FHIP1A: variants seen among roughly 807,000 people sequenced by gnomAD.
The protein encoded by FHIP1A is FHF complex subunit HOOK interacting protein 1A, also known as FHF complex subunit HOOK-interacting protein 1A.
Under a neutral mutation model 88.6 loss-of-function variants are expected in FHIP1A, and 61 were observed. The ratio of observed to expected loss-of-function variants is 0.69; its 90% confidence interval spans 0.56 to 0.85. The LOEUF (loss-of-function observed/expected upper bound fraction) is 0.85, where lower values mean the gene tolerates loss of function less well. Ranked by LOEUF, FHIP1A falls within the 40% of genes least tolerant of loss-of-function variation. FHIP1A has a pLI of 0.00. For missense variants in FHIP1A, 1,154 were observed against 1,273.5 expected, an observed-to-expected ratio of 0.91 and a Z score of 1.43; for synonymous variants, 478 against 496.0, an observed-to-expected ratio of 0.96 and a Z score of 0.48.
At chr4:151,644,362 GT>G (rs1394506663) in intron 9 of FHIP1A, among the ~76,000 whole-genome samples, 2 of 147,372 alleles carry the variant, frequency 1.4e-5, no homozygotes, top group Non-Finnish European at 3.0e-5. Context: ...ATCTGTTTTT[GT>G]TTTTTAGAGA....
intron 4 of FHIP1A, among the ~76,000 whole-genome samples, chr4:151,570,351 C>T (rs1470476832): frequency 2.0e-5 from 3 of 152,176 alleles, no homozygotes; most frequent in African/African-American, 2.4e-5. Flanking sequence ...ATCATTTGCT[C>T]TAAGAAACCT....
At chr4:151,627,865 A>G (rs1736008942) in intron 7 of FHIP1A, among the ~76,000 whole-genome samples, 2 of 152,206 alleles carry the variant, frequency 1.3e-5, no homozygotes, top group African/African-American at 4.8e-5. Context: ...TCACTCAGGA[A>G]GAAGTACATT....
intron 3 of FHIP1A, among the ~76,000 whole-genome samples, chr4:151,508,417 T>C (rs1580646861): frequency 6.6e-6 from 1 of 152,172 alleles, no homozygotes; most frequent in East Asian, 1.9e-4. Context: ...CTGGAATTGT[T>C]AGTCTCTTGC....
chr4:151,507,835 A>T (rs1447271223), intron 3 of FHIP1A, among the ~76,000 whole-genome samples: 1 of 152,340 alleles, frequency 6.6e-6, no homozygotes, highest in African/African-American at 2.4e-5. Context: ...TCAGGAGCTG[A>T]AAAGAATGGT....
chr4:151,573,699 C>A (rs900742401), intron 4 of FHIP1A, among the ~76,000 whole-genome samples: 11 of 151,782 alleles, frequency 7.2e-5, no homozygotes, highest in Middle Eastern at 3.4e-3. Flanking sequence ...GCCGGGGGAG[C>A]CACTGTGAGC....
intron 7 of FHIP1A, among the ~76,000 whole-genome samples, chr4:151,612,633 C>T (rs1249360161): frequency 6.6e-6 from 1 of 152,184 alleles, no homozygotes; most frequent in African/African-American, 2.4e-5. Flanking sequence ...ATGCCCATCT[C>T]GGCCTCCCAA....
intron 3 of FHIP1A, among the ~76,000 whole-genome samples, chr4:151,542,280 A>G (rs924356632): frequency 6.6e-6 from 1 of 152,152 alleles, no homozygotes; most frequent in Non-Finnish European, 1.5e-5. Flanking sequence ...ATTGCACAAA[A>G]CAACATTTAA....
At chr4:151,464,144 C>T (rs1729227454) in intron 2 of FHIP1A, among the ~76,000 whole-genome samples, 1 of 152,160 alleles carries the variant, frequency 6.6e-6, no homozygotes, top group African/African-American at 2.4e-5. Context: ...TCCTGCCTCA[C>T]CTTTCCAAGT....
At chr4:151,504,614 T>TATGTC (rs1553947121) in intron 3 of FHIP1A, among the ~76,000 whole-genome samples, 2 of 118,976 alleles carry the variant, frequency 1.7e-5, no homozygotes, top group East Asian at 2.5e-4. Flanking sequence ...TATGTCATGT[T>TATGTC]ATGTTATGTC....
At chr4:151,567,150 T>C (rs7674244) in intron 4 of FHIP1A, among the ~76,000 whole-genome samples, 48,501 of 152,114 alleles carry the variant, frequency 0.32, 7,770 homozygotes, top group Non-Finnish European at 0.33. Context: ...AATTTACTAT[T>C]CCGCCCCTTT....
At position 151,588,720 on chromosome 4, in the gene FHIP1A, G is replaced by T. The variant is rs1578788288; in HGVS notation, c.892-120G>T. The T allele has an allele frequency of 6.8e-6, 5 of 736,162 alleles. No individual in the cohort carries two copies. The East Asian group carries it at 1.1e-4, about 16-fold the overall frequency. The allele number at this position is 736,162 out of a possible 1,614,324, so 45.6% of individuals were successfully genotyped here. A position where few individuals can be genotyped will look rare whatever the true frequency, so the allele number is the denominator to read the frequency against. On this transcript the variant is annotated intron_variant, in intron 6 of 13. Transcript: ENST00000435205. ...AGGTCTGATTTGTTCTTTAATCACAGAATAAATGGCCAAAATGTGGATTTC... is the reference window on the plus strand; with the variant it reads ...AGGTCTGATTTGTTCTTTAATCACATAATAAATGGCCAAAATGTGGATTTC...
At chr4:151,503,916 A>T (rs1365375844) in intron 3 of FHIP1A, among the ~76,000 whole-genome samples, 1 of 152,206 alleles carries the variant, frequency 6.6e-6, no homozygotes, top group African/African-American at 2.4e-5. Context: ...TCAGAATTCC[A>T]CTCAGATTTA....
chr4:151,416,828 G>C (rs888292899), intron 1 of FHIP1A, among the ~76,000 whole-genome samples: 2 of 151,956 alleles, frequency 1.3e-5, no homozygotes, highest in African/African-American at 4.8e-5. Flanking sequence ...CTGTCATCCA[G>C]GCTGGAGTGC....
chr4:151,544,555 A>T (rs1732413542), intron 3 of FHIP1A, among the ~76,000 whole-genome samples: 1 of 152,126 alleles, frequency 6.6e-6, no homozygotes, highest in Admixed American at 6.6e-5. Flanking sequence ...GAGTGTGAAG[A>T]TGGGGACCTG....
intron 10 of FHIP1A, among the ~76,000 whole-genome samples, chr4:151,648,490 C>G (rs1052857310): frequency 2.0e-5 from 3 of 151,964 alleles, no homozygotes; most frequent in African/African-American, 7.3e-5. Context: ...GATTCTGACC[C>G]AGTCTGGTAG....
At chr4:151,445,160 A>C (rs947812564) in intron 1 of FHIP1A, among the ~76,000 whole-genome samples, 1 of 152,202 alleles carries the variant, frequency 6.6e-6, no homozygotes, top group South Asian at 2.1e-4. Flanking sequence ...GAACCCAAGG[A>C]AAGTTTACTT....
At chr4:151,652,080 A>G (rs769476006) in intron 11 of FHIP1A, among the ~76,000 whole-genome samples, 36 of 152,208 alleles carry the variant, frequency 2.4e-4, no homozygotes, top group Non-Finnish European at 1.3e-4. Context: ...CATGAAGATT[A>G]TTCTTTAGAA....
At chr4:151,628,863 G>A (rs548172175) in intron 7 of FHIP1A, among the ~76,000 whole-genome samples, 40 of 152,206 alleles carry the variant, frequency 2.6e-4, no homozygotes, top group African/African-American at 9.6e-4. Context: ...ATCTTAGGAG[G>A]ACAAAGATGT....
At chr4:151,640,559 A>T (rs899700411) in intron 9 of FHIP1A, among the ~76,000 whole-genome samples, 2 of 152,196 alleles carry the variant, frequency 1.3e-5, no homozygotes, top group African/African-American at 4.8e-5. Context: ...AACTTGGCAA[A>T]GCCGTTTTTA....
Sources: gnomAD v4.1 joint callset for allele counts (sites outside exome capture counted in the v4.1 genomes callset) on GRCh38, gnomAD v4.1.1 for gene constraint, MANE v1.5 for transcripts, NCBI Gene and HGNC (gene_info 2026-07-23, HGNC 2026-07-21) for gene names.